The following SIDT1 variants were observed in gnomAD, a reference collection of about 807,000 sequenced individuals.
SIDT1 encodes the protein SID1 transmembrane family member 1.
SIDT1 carries 101 observed loss-of-function variants against 107.5 expected under a neutral mutation model. The ratio of observed to expected loss-of-function variants is 0.94; its 90% CI spans 0.80 to 1.11. The LOEUF is 1.11. Ranked by LOEUF, SIDT1 falls within the 50% of genes least tolerant of loss-of-function variation. SIDT1 has a pLI of 0.00. For missense variants in SIDT1, 1,076 were observed against 1,058.2 expected (o/e 1.02, Z -0.23); for synonymous variants, 395 against 398.2 (o/e 0.99, Z 0.10).
chr3:113,578,172 AG>A (rs749020431), intron 4 of SIDT1, among the ~76,000 whole-genome samples: 3 of 152,262 alleles, frequency 2.0e-5, no homozygotes, highest in Non-Finnish European at 4.4e-5. Flanking sequence ...AACCTAAAGT[AG>A]AAGGGGAATA....
intron 13 of SIDT1, among the ~76,000 whole-genome samples, chr3:113,604,369 G>A (rs971232580): frequency 6.6e-5 from 10 of 152,148 alleles, no homozygotes; most frequent in Non-Finnish European, 1.3e-4. Flanking sequence ...AAGGGACAAT[G>A]GGGCCACATG....
At chr3:113,561,918 C>T (rs1941465507) in intron 1 of SIDT1, among the ~76,000 whole-genome samples, 1 of 152,114 alleles carries the variant, frequency 6.6e-6, no homozygotes, top group Non-Finnish European at 1.5e-5. Context: ...CAGACAAACT[C>T]CTTAGGTTTT....
At chr3:113,635,125 G>A in the SIDT1 span, among the ~76,000 whole-genome samples, 1 of 152,220 alleles carries the variant, frequency 6.6e-6, no homozygotes, top group Non-Finnish European at 1.5e-5. Flanking sequence ...GGTTACTACT[G>A]GGAGCCTGTT....
In SIDT1 at chr3:113,585,248, G is replaced by A; in HGVS notation, c.979G>A (p.Val327Ile). The A allele has an allele frequency of 6.2e-7, 1 of 1,612,982 alleles. No individual in the cohort carries two copies. Among genetic ancestry groups the A allele is most frequent in the Non-Finnish European group, 8.5e-7 (1 of 1,179,134 alleles). Reference sequence around the variant, plus strand: ...GTCCTTCTACTTGGGATGCCTTCTTGTTGGGTTTGTTCATTATCTGAGGTA... The same window carrying A: ...GTCCTTCTACTTGGGATGCCTTCTTATTGGGTTTGTTCATTATCTGAGGTA... Reference protein sequence around the residue: ...FLSFYLGCLLVGFVHYLRFQR... With the variant: ...FLSFYLGCLLIGFVHYLRFQR... The change falls in exon 9 of 25, where the codon GTT becomes ATT. Residue 327 changes from valine (V) to isoleucine (I), a missense_variant. Coordinates refer to ENST00000264852, the MANE Select transcript of SIDT1 (RefSeq NM_017699.3).
In SIDT1 at chr3:113,585,206, A is replaced by G. The variant is rs763753620; in HGVS notation, c.937A>G (p.Ser313Gly). 6.2e-7 allele frequency: 1 copy of G among 1,613,528 alleles called. No individual in the cohort carries two copies. Among genetic ancestry groups the G allele is most frequent in the Non-Finnish European group, 8.5e-7 (1 of 1,179,634 alleles). Residue 313 changes from serine (S) to glycine (G), a missense_variant, in exon 9 of 25, where the codon AGT becomes GGT. Physicochemically the swap from Ser to Gly is moderately conservative, Grantham distance 56 (BLOSUM62 0). Coordinates refer to ENST00000264852, the MANE Select transcript of SIDT1 (RefSeq NM_017699.3). ...TGTTTATGTGAAATCCAGTCTTTTC[A>G]GTGTCTTCATCTTCCTGTCCTTCTA... ...ESVYVKSSLFSVFIFLSFYLG... is the reference protein window; with the variant it reads ...ESVYVKSSLFGVFIFLSFYLG...
chr3:113,563,427 C>T (rs143891946), intron 1 of SIDT1, among the ~76,000 whole-genome samples: 29 of 152,246 alleles, frequency 1.9e-4, no homozygotes, highest in Admixed American at 1.9e-3. Context: ...TGAAAACTTC[C>T]TTGACTATGA....
chr3:113,594,821 T>A (rs1944422136), intron 10 of SIDT1: 1 of 154,244 alleles, frequency 6.5e-6, no homozygotes, highest in Admixed American at 6.5e-5. Flanking sequence ...AAGAGACTCC[T>A]AGCTCTGGAA....
chr3:113,561,570 T>C (rs1576768602), intron 1 of SIDT1, among the ~76,000 whole-genome samples: 2 of 152,274 alleles, frequency 1.3e-5, no homozygotes, highest in South Asian at 4.1e-4. Flanking sequence ...TGGATGTACA[T>C]CTCAGAATAA....
intron 1 of SIDT1, among the ~76,000 whole-genome samples, chr3:113,547,831 G>T (rs1238528065): frequency 6.6e-6 from 1 of 151,984 alleles, no homozygotes; most frequent in Non-Finnish European, 1.5e-5. Flanking sequence ...TTCTACAGTT[G>T]GTCTCAAGAC....
chr3:113,590,797 T>C (rs1560086315), intron 9 of SIDT1, among the ~76,000 whole-genome samples: 1 of 152,174 alleles, frequency 6.6e-6, no homozygotes, highest in Admixed American at 6.5e-5. Flanking sequence ...CAAAACATCA[T>C]TGAAATAAAT....
At chr3:113,555,847 A>G (rs1037591239) in intron 1 of SIDT1, among the ~76,000 whole-genome samples, 1 of 94,310 alleles carries the variant, frequency 1.1e-5, no homozygotes, top group Admixed American at 1.6e-4. Flanking sequence ...GGACTATATA[A>G]TCTTTTTTTT....
chr3:113,621,801 G>T (rs1386646827), intron 21 of SIDT1, among the ~76,000 whole-genome samples: 2 of 152,216 alleles, frequency 1.3e-5, no homozygotes, highest in Non-Finnish European at 2.9e-5. Flanking sequence ...GCAAGGAGGA[G>T]CAGAGGTGAC....
chr3:113,611,112 G>A lies in SIDT1; in HGVS notation c.1825G>A (p.Ala609Thr). 3.1e-6 allele frequency: 5 copies of A among 1,613,906 alleles called. No individual in the cohort carries two copies. In the South Asian group the frequency reaches 4.4e-5, roughly 14 times the overall value. ...CGCCTACTCTGCCTATGCCTCCTTT[G>A]CTGTGGTCATCATGGTCACCGTCCT... ...ASAYSAYASF[A>T]VVIMVTVLGV... The change falls in exon 18 of 25, where the codon GCT becomes ACT. Residue 609 changes from alanine (A) to threonine (T), a missense_variant. Coordinates refer to ENST00000264852, the MANE Select transcript of SIDT1 (RefSeq NM_017699.3).
In SIDT1 at chr3:113,567,662, G is replaced by A. The variant is rs1212851096; in HGVS notation, c.467G>A (p.Gly156Asp). The A allele has an allele frequency of 6.8e-6, 11 of 1,613,972 alleles. No homozygotes were observed. Among genetic ancestry groups the A allele is most frequent in the South Asian group, 2.2e-5 (2 of 91,072 alleles). The change falls in exon 3 of 25, where the codon GGT becomes GAT. Residue 156 changes from glycine to aspartate, a missense_variant. By Grantham distance (94) the Gly-to-Asp change is moderately conservative. Coordinates refer to ENST00000264852, the MANE Select transcript of SIDT1 (RefSeq NM_017699.3). Reference protein sequence around the residue: ...FVDVASMAPLGAQYKLLVTKL... With the variant: ...FVDVASMAPLDAQYKLLVTKL... ...GATGTCGCATCCATGGCACCCCTGG[G>A]TGCTCAGTACAAACTGCTAGTTACC...
intron 23 of SIDT1, 120 bp downstream of exon 23, chr3:113,623,853 G>C (rs1219136377): frequency 1.2e-5 from 8 of 681,578 alleles, no homozygotes; most frequent in Admixed American, 2.6e-5. Context: ...TTCTCTACCA[G>C]GGATGGTTTT....
At chr3:113,545,251 T>C (rs751800965) in intron 1 of SIDT1, among the ~76,000 whole-genome samples, 4 of 152,180 alleles carry the variant, frequency 2.6e-5, no homozygotes, top group Non-Finnish European at 4.4e-5. Context: ...AATTAGTTAT[T>C]ACTATGATGG....
intron 1 of SIDT1, among the ~76,000 whole-genome samples, chr3:113,560,786 T>A (rs79086145): frequency 6.6e-6 from 1 of 152,218 alleles, no homozygotes; most frequent in African/African-American, 2.4e-5. Context: ...ATTTTTGAAT[T>A]GAATTCATTT....
Position 113,567,687 on chromosome 3 carries a change from C to G in SIDT1, c.492C>G (p.Thr164=). The change falls in exon 3 of 25, where the codon ACC becomes ACG. Residue 164 remains threonine (T), a synonymous_variant. Coordinates refer to ENST00000264852, the MANE Select transcript of SIDT1 (RefSeq NM_017699.3). Reference sequence around the variant, plus strand: ...GTGCTCAGTACAAACTGCTAGTTACCAAGCTGAAGCACTTCCAGCTCCGGT... The same window carrying G: ...GTGCTCAGTACAAACTGCTAGTTACGAAGCTGAAGCACTTCCAGCTCCGGT... ...PLGAQYKLLV[T]KLKHFQLRTN... is the part of the protein sequence containing the mutation. 6.2e-7 allele frequency: 1 copy of G among 1,613,828 alleles called. No individual in the cohort carries two copies. The highest frequency in any genetic ancestry group is 8.5e-7 in the Non-Finnish European group (1 of 1,179,906).
intron 1 of SIDT1, among the ~76,000 whole-genome samples, chr3:113,555,437 T>C (rs1023086202): frequency 4.6e-5 from 7 of 152,238 alleles, no homozygotes; most frequent in African/African-American, 1.7e-4. Flanking sequence ...GAGTCAAACA[T>C]TTATTGATTG....
Sources: gnomAD v4.1 joint callset for allele counts (sites outside exome capture counted in the v4.1 genomes callset) on GRCh38, gnomAD v4.1.1 for gene constraint, MANE v1.5 for transcripts, NCBI Gene and HGNC (gene_info 2026-07-23, HGNC 2026-07-21) for gene names.